Variants in PLXNA2 observed in about 807,000 individuals in gnomAD.
PLXNA2 encodes plexin-A2.
A neutral mutation model predicts 193.5 loss-of-function variants in PLXNA2; 91 were observed. The observed-to-expected ratio is 0.47, with a 90% CI of 0.40 to 0.56. The LOEUF (loss-of-function observed/expected upper bound fraction) is 0.56, where lower values mean the gene tolerates loss of function less well. PLXNA2 is among the 20% of genes least tolerant of loss of function. The probability of loss-of-function intolerance (pLI) is 0.00; values close to 1 mark genes in which losing one functional copy is unlikely to be tolerated. For synonymous variants in PLXNA2, 997 were observed against 1,027.3 expected, an observed-to-expected ratio of 0.97 and a Z score of 0.56; for missense variants, 1,995 against 2,503.2, an observed-to-expected ratio of 0.80 and a Z score of 4.33.
chr1:208,057,094 G>T (rs1665454608), intron 13 of PLXNA2, among the ~76,000 whole-genome samples: 1 of 152,170 alleles, frequency 6.6e-6, no homozygotes, highest in South Asian at 2.1e-4. Flanking sequence ...TATTGAGGAA[G>T]GAGTATTATG....
Position 208,044,794 on chromosome 1 carries a change from C to A in PLXNA2, c.3640-52G>T. The A allele has an allele frequency of 7.1e-7, 1 of 1,406,112 alleles. No homozygotes were observed. The allele number at this position is 1,406,112 out of a possible 1,614,324, so 87.1% of individuals were successfully genotyped here. ...CATGGATGCACACAGGTGTAGAGCC[C>A]GGGCATGCCAGCAGATCCTTACAGT... On this transcript the variant is annotated intron_variant, in intron 19 of 31. Coordinates refer to ENST00000367033, the MANE Select transcript of PLXNA2 (RefSeq NM_025179.4). This position sits in a 1 kb window ranked among gnomAD's most constrained non-coding sequence, Gnocchi z 4.9.
At chr1:208,064,029 AC>A (rs1225122705) in intron 12 of PLXNA2, among the ~76,000 whole-genome samples, 1 of 151,738 alleles carries the variant, frequency 6.6e-6, no homozygotes, top group African/African-American at 2.4e-5. Flanking sequence ...CAAGCCAATT[AC>A]CCTCCCAGAT....
chr1:208,031,230 G>T, intron 29 of PLXNA2: 1 of 1,080,954 alleles, frequency 9.3e-7, no homozygotes, highest in Non-Finnish European at 1.1e-6. Flanking sequence ...AAGCTCTGCT[G>T]CAGGCTTCAA....
intron 4 of PLXNA2, among the ~76,000 whole-genome samples, chr1:208,125,392 A>G (rs4844646): frequency 0.96 from 145,396 of 152,214 alleles, 69,802 homozygotes; most frequent in East Asian, 1. Context: ...TGCCATGGGG[A>G]AGGCACTGGT....
chr1:208,105,618 C>A (rs530536761), intron 4 of PLXNA2, among the ~76,000 whole-genome samples: 7 of 152,330 alleles, frequency 4.6e-5, no homozygotes, highest in Non-Finnish European at 8.8e-5. Context: ...TGCCTCATGG[C>A]CCACGATGCC....
At chr1:208,141,790 C>T (rs1027453886) in intron 4 of PLXNA2, among the ~76,000 whole-genome samples, 2 of 152,226 alleles carry the variant, frequency 1.3e-5, no homozygotes, top group Admixed American at 6.5e-5. Flanking sequence ...CAGCTGTTTC[C>T]CTACAGAGGG....
At position 208,038,288 on chromosome 1, in the gene PLXNA2, A is replaced by T; in HGVS notation, c.4764+83T>A. 1 of 931,784 alleles carries T rather than the reference A, an allele frequency of 1.1e-6. No individual in the cohort carries two copies. Among genetic ancestry groups the T allele is most frequent in the Non-Finnish European group, 1.8e-6 (1 of 565,466 alleles). 57.7% of individuals were successfully genotyped at this position (931,784 alleles called of 1,614,324 possible). On this transcript the variant is annotated intron_variant, in intron 26 of 31. Coordinates refer to ENST00000367033, the MANE Select transcript of PLXNA2 (RefSeq NM_025179.4). The surrounding 1 kb of genome is among the most constrained non-coding windows in gnomAD (Gnocchi z 4.1). The stretch of plus-strand genomic sequence containing the variant: ...AAGCAGGGAGAGGAAAATCCTTTTT[A>T]GACTTTTGAGGCCTTAGAGCAAGGC...
At chr1:208,124,445 G>A (rs952586872) in intron 4 of PLXNA2, among the ~76,000 whole-genome samples, 14 of 151,560 alleles carry the variant, frequency 9.2e-5, no homozygotes, top group East Asian at 2.0e-4. Context: ...TTGGGAAGCC[G>A]AAGCGGGCAG....
intron 28 of PLXNA2, chr1:208,032,175 C>G: frequency 4.1e-6 from 4 of 984,026 alleles, no homozygotes; most frequent in Non-Finnish European, 3.6e-6. Flanking sequence ...CCAGGAGAGT[C>G]TGTTAGGAAG....
At chr1:208,116,244 C>A (rs1667637003) in intron 4 of PLXNA2, among the ~76,000 whole-genome samples, 2 of 152,240 alleles carry the variant, frequency 1.3e-5, no homozygotes, top group Non-Finnish European at 2.9e-5. Flanking sequence ...TGACTGCCTG[C>A]CCAATTGGCA....
At chr1:208,101,255 A>G (rs1416059292) in intron 5 of PLXNA2, among the ~76,000 whole-genome samples, 1 of 151,834 alleles carries the variant, frequency 6.6e-6, no homozygotes, top group Non-Finnish European at 1.5e-5. Context: ...ATTCCCCCCA[A>G]CCCCTCAGAG....
At chr1:208,128,711 T>C (rs1347182747) in intron 4 of PLXNA2, among the ~76,000 whole-genome samples, 4 of 146,106 alleles carry the variant, frequency 2.7e-5, no homozygotes, top group Non-Finnish European at 6.0e-5. Flanking sequence ...TTTTTTTTTT[T>C]TTTTTTTTGG....
chr1:208,066,051 A>G (rs570752574), intron 12 of PLXNA2, among the ~76,000 whole-genome samples: 7 of 151,186 alleles, frequency 4.6e-5, no homozygotes, highest in African/African-American at 1.5e-4. Context: ...TGTGTGTGTG[A>G]GTGAGTGTGT....
intron 26 of PLXNA2, among the ~76,000 whole-genome samples, chr1:208,035,600 T>A (rs1664647120): frequency 6.6e-6 from 1 of 151,998 alleles, no homozygotes; most frequent in Admixed American, 6.6e-5. Context: ...AAACAGAGAA[T>A]CCCCAGAATC....
chr1:208,101,322 G>A (rs1321376865), intron 5 of PLXNA2, among the ~76,000 whole-genome samples: 1 of 152,214 alleles, frequency 6.6e-6, no homozygotes, highest in Non-Finnish European at 1.5e-5. Context: ...GGGAGCTGCA[G>A]CTTCCCCCAT....
At chr1:208,115,055 C>A (rs183933741) in intron 4 of PLXNA2, among the ~76,000 whole-genome samples, 1 of 152,192 alleles carries the variant, frequency 6.6e-6, no homozygotes, top group African/African-American at 2.4e-5. Flanking sequence ...GGCAGGAAAG[C>A]TCCTAGGCTT....
At chr1:208,240,144 T>TA (rs1409311982) in intron 1 of PLXNA2, among the ~76,000 whole-genome samples, 4 of 152,212 alleles carry the variant, frequency 2.6e-5, no homozygotes, top group African/African-American at 9.6e-5. Context: ...CTTACACTCT[T>TA]ACCCCGCAAG....
intron 4 of PLXNA2, among the ~76,000 whole-genome samples, chr1:208,118,840 G>C (rs147405092): frequency 6.6e-6 from 1 of 151,920 alleles, no homozygotes; most frequent in Non-Finnish European, 1.5e-5. Context: ...GGTGCATGCC[G>C]GGTCCGGTGG....
chr1:208,220,076 G>A (rs1293253986), intron 1 of PLXNA2, among the ~76,000 whole-genome samples: 2 of 152,204 alleles, frequency 1.3e-5, no homozygotes, highest in Non-Finnish European at 2.9e-5. Flanking sequence ...ATCTCCTTGG[G>A]TTCCAGGTGG....
Sources: gnomAD v4.1 joint callset for allele counts (sites outside exome capture counted in the v4.1 genomes callset) on GRCh38, gnomAD v4.1.1 for gene constraint, Gnocchi (gnomAD v3.1) non-coding constraint, MANE v1.5 for transcripts, NCBI Gene and HGNC (gene_info 2026-07-23, HGNC 2026-07-21) for gene names.